The following KLHL5 variants were observed in gnomAD, a reference collection of about 807,000 sequenced individuals.
KLHL5 encodes the protein kelch like family member 5.
A neutral mutation model predicts 77.7 loss-of-function variants in KLHL5; 48 were observed. That is an observed-to-expected ratio of 0.62 (90% CI 0.49 to 0.79). The LOEUF (loss-of-function observed/expected upper bound fraction) is 0.79. Among genes scored for constraint, KLHL5 ranks in the 30% least tolerant of loss-of-function variants. KLHL5 has a pLI of 0.00. For missense variants in KLHL5, 723 were observed against 859.7 expected, an observed-to-expected ratio of 0.84 and a Z score of 1.99; for synonymous variants, 260 against 297.0, an observed-to-expected ratio of 0.88 and a Z score of 1.28.
Position 39,062,754 on chromosome 4 carries a change from C to T in KLHL5, c.102C>T (p.Ser34=). 1 of 1,614,134 alleles carries T rather than the reference C, an allele frequency of 6.2e-7. No homozygotes were observed. The highest frequency in any genetic ancestry group is 8.5e-7 in the Non-Finnish European group (1 of 1,180,004). The change falls in exon 1 of 11, where the codon AGC becomes AGT. Residue 34 remains serine (S), a synonymous_variant. Transcript: ENST00000504108. The part of the protein sequence containing the change: ...QASSPNSTVD[S]QQGEFWNRGQ... ...CATCTCCTAATTCTACAGTTGACAG[C>T]CAGCAGGGAGAATTTTGGAACCGAG... is the stretch of plus-strand genomic sequence containing the variant.
At chr4:39,073,225 C>A (rs114228407) in intron 1 of KLHL5, among the ~76,000 whole-genome samples, 3,294 of 152,164 alleles carry the variant, frequency 0.022, 42 homozygotes, top group Non-Finnish European at 0.033. Flanking sequence ...GCATCTGAAC[C>A]AAAATACCCT....
chr4:39,109,200 G>T (rs552052353), intron 8 of KLHL5, among the ~76,000 whole-genome samples: 31 of 152,170 alleles, frequency 2.0e-4, no homozygotes, highest in African/African-American at 6.3e-4. Flanking sequence ...ATTGCTTTGT[G>T]ATTTAGAACA....
chr4:39,131,355 G>T (rs1435805675), downstream of KLHL5, among the ~76,000 whole-genome samples: 2 of 152,150 alleles, frequency 1.3e-5, no homozygotes, highest in Non-Finnish European at 2.9e-5. Flanking sequence ...TTTTGTAAAA[G>T]AAATGGAATA....
rs201833182 is a variant in KLHL5, at chr4:39,086,505, T to C, written c.901-10T>C. The C allele has an allele frequency of 2.6e-5, 42 of 1,607,062 alleles. No individual in the cohort carries two copies. The East Asian group carries it at 8.7e-4, about 33-fold the overall frequency. The stretch of plus-strand genomic sequence containing the variant: ...AACAATATTGTTTATCTGCTATTTC[T>C]TCCCTCTAGGAGCATTTCATGGAAG... On this transcript the variant is annotated splice_polypyrimidine_tract_variant and intron_variant, in intron 4 of 10. Transcript: ENST00000504108.
At chr4:39,061,772 G>A (rs973974679), upstream of KLHL5, among the ~76,000 whole-genome samples, 1 of 152,140 alleles carries the variant, frequency 6.6e-6, no homozygotes, top group African/African-American at 2.4e-5. Flanking sequence ...ACTGGCAGTG[G>A]CCCATTTCTA....
At chr4:39,065,355 ATTTT>A (rs35238432) in intron 1 of KLHL5, among the ~76,000 whole-genome samples, 4 of 126,552 alleles carry the variant, frequency 3.2e-5, no homozygotes, top group East Asian at 2.3e-4. Flanking sequence ...ACATTCATCA[ATTTT>A]TTTTTTTTTT....
At position 39,115,213 on chromosome 4, in the gene KLHL5, A is replaced by C; in HGVS notation, c.1956A>C (p.Arg652Ser). The change falls in exon 10 of 11, where the codon AGA becomes AGC. Residue 652 changes from arginine to serine, a missense_variant. Arg to Ser is a moderately radical substitution (Grantham distance 110). This residue lies in a region of KLHL5 where 214 missense variants were observed against 237.4 expected (regional missense o/e 0.90). Transcript: ENST00000504108. Reference protein sequence around the residue: ...WTAVASMSISRDAVGVCLLGD... With the variant: ...WTAVASMSISSDAVGVCLLGD... The stretch of plus-strand genomic sequence containing the variant: ...CAGTAGCATCCATGAGCATCAGCAG[A>C]GATGCAGTGGGGGTCTGTTTACTTG... 1 of 1,613,852 alleles carries C rather than the reference A, an allele frequency of 6.2e-7. No individual in the cohort carries two copies. The highest frequency in any genetic ancestry group is 8.5e-7 in the Non-Finnish European group (1 of 1,179,892).
Position 39,121,247 on chromosome 4 carries a change from C to T in KLHL5, c.*181C>T. 1.7e-6 allele frequency: 1 copy of T among 592,460 alleles called. No individual in the cohort carries two copies. The highest frequency in any genetic ancestry group is 3.0e-6 in the Non-Finnish European group (1 of 334,902). 36.7% of individuals were successfully genotyped at this position (592,460 alleles called of 1,614,324 possible). Reference sequence around the variant, plus strand: ...AGCAGTGGATGGACCAGGATTAATTCCTTTCATTTCTTAGTAAATTAAAAC... The same window carrying T: ...AGCAGTGGATGGACCAGGATTAATTTCTTTCATTTCTTAGTAAATTAAAAC... On this transcript the variant is annotated 3_prime_UTR_variant, in exon 11 of 11. Transcript: ENST00000504108.
intron 8 of KLHL5, 34 bp from the exon 9 acceptor site, chr4:39,112,984 ATG>A (rs1560440307): frequency 1.3e-6 from 2 of 1,567,388 alleles, no homozygotes; most frequent in Admixed American, 3.3e-5. Flanking sequence ...ATAATGGCAC[ATG>A]TCTTATTTAT....
intron 8 of KLHL5, 54 bp downstream of exon 8, chr4:39,107,785 C>A: frequency 2.3e-6 from 3 of 1,325,458 alleles, no homozygotes; most frequent in Non-Finnish European, 3.1e-6. Flanking sequence ...ATTTATTAAG[C>A]TATATCATTT....
chr4:39,084,639 A>G (rs1719890529), intron 4 of KLHL5, among the ~76,000 whole-genome samples: 1 of 152,202 alleles, frequency 6.6e-6, no homozygotes, highest in Non-Finnish European at 1.5e-5. Context: ...TGGAATGGGC[A>G]TTATTCTGAA....
At position 39,121,267 on chromosome 4, in the gene KLHL5, TA is replaced by T. The variant is rs1470515810; in HGVS notation, c.*205del. ...TAATTCCTTTCATTTCTTAGTAAAT[TA>T]AAACCTGCAGCTGGTGGATTGTGAT... On this transcript the variant is annotated 3_prime_UTR_variant, in exon 11 of 11. Transcript: ENST00000504108. 8.7e-6 allele frequency: 5 copies of T among 575,510 alleles called. No individual in the cohort carries two copies. The highest frequency in any genetic ancestry group is 1.5e-5 in the Non-Finnish European group (5 of 324,056). The allele number at this position is 575,510 out of a possible 1,614,324, so 35.7% of individuals were successfully genotyped here. A position where few individuals can be genotyped will look rare whatever the true frequency, so the allele number is the denominator to read the frequency against.
chr4:39,045,070 C>G (rs1293427404), exon 1 of KLHL5: 1 of 988,474 alleles, frequency 1.0e-6, no homozygotes, highest in African/African-American at 1.8e-5. Flanking sequence ...CCGCCGTGAC[C>G]CACGGCCGCC....
chr4:39,080,003 T>C (rs1719459915), intron 2 of KLHL5, among the ~76,000 whole-genome samples: 1 of 152,216 alleles, frequency 6.6e-6, no homozygotes, highest in Admixed American at 6.5e-5. Context: ...GGGAAAATGT[T>C]AGTCTTATAC....
At chr4:39,100,975 C>T (rs926806377) in intron 6 of KLHL5, among the ~76,000 whole-genome samples, 1 of 152,020 alleles carries the variant, frequency 6.6e-6, no homozygotes, top group African/African-American at 2.4e-5. Flanking sequence ...TCAGCTAATA[C>T]GGGCTCCAAA....
intron 1 of KLHL5, among the ~76,000 whole-genome samples, chr4:39,065,560 G>A (rs1717821848): frequency 6.6e-6 from 1 of 151,882 alleles, no homozygotes; most frequent in Non-Finnish European, 1.5e-5. Flanking sequence ...CACCATGTTG[G>A]CCAGGCTGGT....
Position 39,092,446 on chromosome 4 carries a change from T to A in KLHL5, c.1114-4246T>A, listed in dbSNP as rs538189732. ...TCCCAAGAGTTTACTTTCTACATTT[T>A]TTTCACATTTATTTTTATTTAGAAA... On this transcript the variant is annotated intron_variant, in intron 5 of 10. Coordinates refer to ENST00000504108, the MANE Select transcript of KLHL5 (RefSeq NM_015990.5). Among the ~76,000 whole-genome samples the A allele has an allele frequency of 3.6e-4, 55 of 152,304 alleles. 1 individual carries two copies. Among genetic ancestry groups the A allele is most frequent in the African/African-American group, 1.3e-3 (52 of 41,578 alleles).
rs145777465 is a variant in KLHL5 at position 39,103,317 on chromosome 4, G to T, written c.1331G>T (p.Arg444Leu). ...ACAAGCATTGAAAAGTATGATCTCC[G>T]TACAAATATGTGGACTCCAGTAGCA... ...GATSIEKYDL[R>L]TNMWTPVANM... Residue 444 changes from arginine to leucine, a missense_variant, in exon 7 of 11, where the codon CGT (arginine) becomes CTT (leucine). Physicochemically the swap from Arg to Leu is moderately radical, Grantham distance 102. This residue lies in a region of KLHL5 where 288 missense variants were observed against 400.3 expected (regional missense o/e 0.72). Coordinates refer to ENST00000504108, the MANE Select transcript of KLHL5 (RefSeq NM_015990.5). 4 of 1,613,584 alleles carry T rather than the reference G, an allele frequency of 2.5e-6. No individual in the cohort carries two copies. Among genetic ancestry groups the T allele is most frequent in the African/African-American group, 1.3e-5 (1 of 74,868 alleles).
In KLHL5 at chr4:39,062,363, G is replaced by A; in HGVS notation, c.-290G>A. The A allele has an allele frequency of 4.9e-6, 7 of 1,436,658 alleles. No homozygotes were observed. Among genetic ancestry groups the A allele is most frequent in the Admixed American group, 5.7e-5 (2 of 34,856 alleles). 89.0% of individuals were successfully genotyped at this position (1,436,658 alleles called of 1,614,324 possible). A position where few individuals can be genotyped will look rare whatever the true frequency, so the allele number is the denominator to read the frequency against. On this transcript the variant is annotated 5_prime_UTR_variant, in exon 1 of 11. Transcript: ENST00000504108. ...AGACCTAATGGTCAGTATGGGAAAG[G>A]AGAGCCGGGAAAGTGGTCTAGCTGC...
Sources: gnomAD v4.1 joint callset for allele counts (sites outside exome capture counted in the v4.1 genomes callset) on GRCh38, gnomAD v4.1.1 for gene constraint, gnomAD v4.1.1 regional missense constraint, MANE v1.5 for transcripts, NCBI Gene and HGNC (gene_info 2026-07-23, HGNC 2026-07-21) for gene names.